The following KDM6A variants were observed in gnomAD, a reference collection of about 807,000 sequenced individuals.
KDM6A encodes lysine-specific demethylase 6A.
In KDM6A, 11 loss-of-function variants were observed where a neutral mutation model predicts 117.6. The observed-to-expected ratio is 0.09, with a 90% CI of 0.06 to 0.15. The LOEUF is 0.15. Among genes scored for constraint, KDM6A ranks in the 10% least tolerant of loss-of-function variants. The pLI is 1.00. For missense variants in KDM6A, 799 were observed against 1,077.3 expected, an observed-to-expected ratio of 0.74 and a Z score of 3.62; for synonymous variants, 384 against 396.1, an observed-to-expected ratio of 0.97 and a Z score of 0.36.
chrX:45,095,435 T>G (rs2046062400), intron 27 of KDM6A, among the ~76,000 whole-genome samples: 2 of 111,132 alleles, frequency 1.8e-5, no homozygotes, highest in Admixed American at 1.9e-4. Context: ...TAGCACTTTG[T>G]GGGGGATATG....
At chrX:44,875,560 A>G (rs1002019264) in intron 2 of KDM6A, among the ~76,000 whole-genome samples, 1 of 110,359 alleles carries the variant, frequency 9.1e-6, no homozygotes, top group African/African-American at 3.3e-5. Flanking sequence ...CTCCTGCCTT[A>G]AAGTTTTTTT....
chrX:44,895,700 A>G (rs1384507975), intron 2 of KDM6A, among the ~76,000 whole-genome samples: 1 of 108,956 alleles, frequency 9.2e-6, no homozygotes, highest in Admixed American at 9.9e-5. Flanking sequence ...TTGTATTTTC[A>G]TTTTGATTCA....
At chrX:45,086,125 C>T in intron 25 of KDM6A, 146 bp downstream of exon 25, 1 of 456,412 alleles carries the variant, frequency 2.2e-6, no homozygotes, top group Middle Eastern at 5.6e-4. Flanking sequence ...TTATTTGATT[C>T]CAAACCTCAT....
chrX:44,970,560 T>C (rs777214674), intron 3 of KDM6A, among the ~76,000 whole-genome samples: 17 of 111,229 alleles, frequency 1.5e-4, no homozygotes, highest in Non-Finnish European at 1.7e-4. Flanking sequence ...AGATGATATA[T>C]ATAATTAATC....
Position 45,059,051 on chromosome X carries a change from C to T in KDM6A, c.921C>T (p.Tyr307=), listed in dbSNP as rs756644556. The stretch of plus-strand genomic sequence containing the variant: ...AAGTTCAGGATGCCTTTATATCTTA[C>T]AGGCAGTCTATTGATAAATCAGAAG... ...IGKVQDAFIS[Y]RQSIDKSEAS... The change falls in exon 11 of 30, where the codon TAC becomes TAT. Residue 307 remains tyrosine (Y), a synonymous_variant. Coordinates refer to ENST00000611820, the MANE Select transcript of KDM6A (RefSeq NM_001291415.2). 8.3e-7 allele frequency: 1 copy of T among 1,206,919 alleles called. No individual in the cohort carries two copies. The highest frequency in any genetic ancestry group is 1.8e-5 in the South Asian group (1 of 56,798).
intron 2 of KDM6A, among the ~76,000 whole-genome samples, chrX:44,899,039 T>TGTGTGTGTGTGTGTGTG (rs2034132491): frequency 9.3e-5 from 3 of 32,208 alleles, no homozygotes; most frequent in East Asian, 9.2e-4. Context: ...GTGTGTGTGT[T>TGTGTGTGTGTGTGTGTG]TGTTTGTTTT....
At chrX:45,053,393 C>T (rs2043942524) in intron 9 of KDM6A, among the ~76,000 whole-genome samples, 1 of 111,538 alleles carries the variant, frequency 9.0e-6, no homozygotes, top group Admixed American at 9.5e-5. Flanking sequence ...GATCATGCCA[C>T]TGTACTCCAG....
rs61153242 is a variant in KDM6A at position 45,102,140 on chromosome X, A to G, written c.4035-5270A>G. ...ACTACAAATCTGAGACATTGGTTTT[A>G]ATTTTGACACTTACGAAGTAAGAGG... On this transcript the variant is annotated intron_variant, in intron 27 of 29. Coordinates refer to ENST00000611820, the MANE Select transcript of KDM6A (RefSeq NM_001291415.2). Among the ~76,000 whole-genome samples the G allele has an allele frequency of 7.5e-3, 841 of 111,966 alleles. 14 individuals carry two copies. Among genetic ancestry groups the G allele is most frequent in the African/African-American group, 0.026 (805 of 30,793 alleles).
Position 44,881,295 on chromosome X carries a change from A to T in KDM6A, c.225+7308A>T, listed in dbSNP as rs902717182. On this transcript the variant is annotated intron_variant, in intron 2 of 29. Transcript: ENST00000611820. ...AAAATACAAAAATTATCTGGGTGTG[A>T]TGGCGCGTACCTGTAATCCCAGCTA... Among the ~76,000 whole-genome samples the T allele has an allele frequency of 1.1e-4, 12 of 111,676 alleles. No individual in the cohort carries two copies. In the East Asian group the frequency reaches 3.1e-3, roughly 29 times the overall value.
In KDM6A at chrX:45,111,525, A is replaced by G. The variant is rs1249411905; in HGVS notation, c.*114A>G. 9.1e-6 allele frequency: 6 copies of G among 660,167 alleles called. No individual in the cohort carries two copies. Among genetic ancestry groups the G allele is most frequent in the South Asian group, 2.3e-5 (1 of 43,861 alleles). The allele number at this position is 660,167 out of a possible 1,213,427, so 54.4% of individuals were successfully genotyped here. A position where few individuals can be genotyped will look rare whatever the true frequency, so the allele number is the denominator to read the frequency against. On this transcript the variant is annotated 3_prime_UTR_variant, in exon 30 of 30. Coordinates refer to ENST00000611820, the MANE Select transcript of KDM6A (RefSeq NM_001291415.2). ...AGGCTGCTGGCTGAAAACTGTGTCT[A>G]TGCAACCTTCCAAGTGCGGAGTGTC...
At chrX:45,093,310 G>C (rs77084048) in intron 27 of KDM6A, among the ~76,000 whole-genome samples, 2 of 107,748 alleles carry the variant, frequency 1.9e-5, no homozygotes, top group Non-Finnish European at 3.8e-5. Flanking sequence ...TGGGGCGGGG[G>C]GTTGCAGTGA....
intron 2 of KDM6A, among the ~76,000 whole-genome samples, chrX:44,931,860 T>C (rs2146964919): frequency 9.0e-6 from 1 of 111,388 alleles, no homozygotes; most frequent in Non-Finnish European, 1.9e-5. Context: ...TAACAGGTTT[T>C]TAAAAATCAC....
At chrX:44,903,670 T>G (rs1359209588) in intron 2 of KDM6A, among the ~76,000 whole-genome samples, 4 of 111,071 alleles carry the variant, frequency 3.6e-5, no homozygotes, top group Non-Finnish European at 7.5e-5. Context: ...TTACCTCTCT[T>G]CAAGTTCCTG....
chrX:44,967,201 G>T (rs1278108217), intron 3 of KDM6A, among the ~76,000 whole-genome samples: 1 of 111,027 alleles, frequency 9.0e-6, no homozygotes, highest in Non-Finnish European at 1.9e-5. Context: ...TCTCTTCATT[G>T]TCTTTCTCCA....
chrX:45,091,431 C>G (rs957590421), intron 27 of KDM6A, among the ~76,000 whole-genome samples: 27 of 111,361 alleles, frequency 2.4e-4, no homozygotes, highest in Non-Finnish European at 4.7e-4. Flanking sequence ...TTTTGTAAAT[C>G]TATTTAGAGG....
intron 2 of KDM6A, among the ~76,000 whole-genome samples, chrX:44,917,896 G>C (rs770713141): frequency 9.0e-6 from 1 of 111,677 alleles, no homozygotes; most frequent in Non-Finnish European, 1.9e-5. Flanking sequence ...CAAAAGTATC[G>C]CATTCTTGCA....
At chrX:45,019,132 C>T (rs1214378466) in intron 5 of KDM6A, among the ~76,000 whole-genome samples, 1 of 111,065 alleles carries the variant, frequency 9.0e-6, no homozygotes, top group Non-Finnish European at 1.9e-5. Context: ...TGTGACTTGC[C>T]CCAACCCCTA....
intron 4 of KDM6A, among the ~76,000 whole-genome samples, chrX:45,005,029 C>A (rs182157781): frequency 2.3e-3 from 258 of 110,984 alleles, no homozygotes; most frequent in African/African-American, 8.1e-3. Context: ...AGTGGCCCCC[C>A]CCTCCTTATG....
intron 2 of KDM6A, among the ~76,000 whole-genome samples, chrX:44,886,313 G>T (rs1055891765): frequency 2.5e-4 from 28 of 110,963 alleles, no homozygotes; most frequent in Admixed American, 1.7e-3. Flanking sequence ...CCCCCAAAGT[G>T]CTGGGATTAC....
Sources: allele counts gnomAD v4.1 joint callset (sites outside exome capture counted in the v4.1 genomes callset), GRCh38; gene constraint gnomAD v4.1.1; transcripts MANE v1.5; gene names NCBI Gene and HGNC (gene_info 2026-07-23, HGNC 2026-07-21).